RBBP8: variants seen among roughly 807,000 people sequenced by gnomAD.
The protein encoded by RBBP8 is DNA endonuclease RBBP8.
RBBP8 carries 88 observed loss-of-function variants against 108.3 expected under a neutral mutation model. That is an observed-to-expected ratio of 0.81 (90% CI 0.68 to 0.97). The LOEUF is 0.97. Ranked by LOEUF, RBBP8 falls within the 50% of genes least tolerant of loss-of-function variation. RBBP8 has a pLI of 0.00. For missense variants in RBBP8, 1,023 were observed against 1,049.0 expected, an observed-to-expected ratio of 0.98 and a Z score of 0.34; for synonymous variants, 332 against 348.2, an observed-to-expected ratio of 0.95 and a Z score of 0.52.
chr18:22,943,251 C>T (rs1048969862), intron 2 of RBBP8, among the ~76,000 whole-genome samples: 1 of 150,782 alleles, frequency 6.6e-6, no homozygotes, highest in African/African-American at 2.5e-5. Context: ...GCCTGGACAA[C>T]AAAGCGAGAC....
intron 3 of RBBP8, among the ~76,000 whole-genome samples, chr18:22,922,692 T>C (rs957293623): frequency 2.6e-5 from 4 of 152,168 alleles, no homozygotes; most frequent in African/African-American, 9.7e-5. Flanking sequence ...CTCAAACTCC[T>C]GGGCTCAAGC....
At chr18:22,940,665 G>C (rs892738983) in intron 2 of RBBP8, among the ~76,000 whole-genome samples, 14 of 151,912 alleles carry the variant, frequency 9.2e-5, no homozygotes, top group African/African-American at 3.4e-4. Context: ...CTAATTTTTA[G>C]AGATGAGGTC....
In RBBP8 at chr18:22,927,464, CATT is replaced by C. The variant is rs1909831379; in HGVS notation, c.-153-1918_-153-1916del. 3.3e-5 allele frequency among the ~76,000 whole-genome samples: 5 copies of C among 152,088 alleles called. No individual in the cohort carries two copies. The South Asian group carries it at 1.0e-3, about 32-fold the overall frequency. On this transcript the variant is annotated intron_variant, in intron 3 of 4. Coordinates refer to the RBBP8 transcript ENST00000577588. ...AATCACACAACCTCATTTGTTCACTCATTGATTATATTATATATGCTGGGCCTG... is the reference window on the plus strand; with the variant it reads ...AATCACACAACCTCATTTGTTCACTCGATTATATTATATATGCTGGGCCTG...
At chr18:23,008,111 G>T (rs373387393) in intron 16 of RBBP8, among the ~76,000 whole-genome samples, 4 of 152,026 alleles carry the variant, frequency 2.6e-5, no homozygotes, top group Admixed American at 1.3e-4. Context: ...CACGCCTGGC[G>T]CTAAGCATCT....
At chr18:22,944,416 C>T (rs961573667) in intron 2 of RBBP8, among the ~76,000 whole-genome samples, 1 of 151,876 alleles carries the variant, frequency 6.6e-6, no homozygotes, top group African/African-American at 2.4e-5. Flanking sequence ...CTTTTAAAGG[C>T]AGAACTGATT....
intron 2 of RBBP8, among the ~76,000 whole-genome samples, chr18:22,916,489 T>C (rs1036171417): frequency 6.6e-6 from 1 of 152,116 alleles, no homozygotes; most frequent in Non-Finnish European, 1.5e-5. Flanking sequence ...CAGTAATTTT[T>C]TCACTACCCT....
intron 16 of RBBP8, among the ~76,000 whole-genome samples, chr18:23,007,321 T>A (rs1282067731): frequency 6.6e-6 from 1 of 151,966 alleles, no homozygotes; most frequent in Non-Finnish European, 1.5e-5. Flanking sequence ...ACACCCAGCC[T>A]GTCTGTTTTA....
In RBBP8 at chr18:23,006,347, C is replaced by T; in HGVS notation, c.2288-16C>T. 6.2e-7 allele frequency: 1 copy of T among 1,603,414 alleles called. No homozygotes were observed. The highest frequency in any genetic ancestry group is 8.5e-7 in the Non-Finnish European group (1 of 1,170,756). ...AGTTCTACATTTAGTTTGTAATGTG[C>T]ATGTTTTATTTATAGCTCATGGTGA... is the stretch of plus-strand genomic sequence containing the variant. On this transcript the variant is annotated splice_polypyrimidine_tract_variant and intron_variant, in intron 15 of 18. Transcript: ENST00000327155.
chr18:22,936,747 A>G lies in RBBP8; in HGVS notation c.-98-7A>G. 1 of 1,262,788 alleles carries G rather than the reference A, an allele frequency of 7.9e-7. No individual in the cohort carries two copies. The highest frequency in any genetic ancestry group is 1.1e-6 in the Non-Finnish European group (1 of 869,784). 78.2% of individuals were successfully genotyped at this position (1,262,788 alleles called of 1,614,324 possible). On this transcript the variant is annotated splice_polypyrimidine_tract_variant and splice_region_variant and intron_variant, in intron 1 of 18. Transcript: ENST00000327155. ...AAGTTCATTTATGTTGCAATCTGTC[A>G]TTTCAGGTATTTGACCTGTCCAAAG...
rs752623520 is a variant in RBBP8, at chr18:22,993,429, A to G, written c.1602A>G (p.Ser534=). 1.2e-5 allele frequency: 19 copies of G among 1,614,146 alleles called. No individual in the cohort carries two copies. Among genetic ancestry groups the G allele is most frequent in the Non-Finnish European group, 7.6e-6 (9 of 1,180,054 alleles). The change falls in exon 11 of 19, where the codon TCA becomes TCG. Residue 534 remains serine (S), a synonymous_variant. Transcript: ENST00000327155. The part of the protein sequence containing the change: ...ALKTIPKGFS[S]SRKASDGNCT... Reference sequence around the variant, plus strand: ...AGACCATTCCAAAGGGCTTTTCCTCAAGCCGTAAGGCCTCAGATGGCAACT... The same window carrying G: ...AGACCATTCCAAAGGGCTTTTCCTCGAGCCGTAAGGCCTCAGATGGCAACT...
At chr18:22,994,247 TCTC>T (rs976814539) in intron 12 of RBBP8, among the ~76,000 whole-genome samples, 1 of 148,564 alleles carries the variant, frequency 6.7e-6, no homozygotes, top group African/African-American at 2.5e-5. Flanking sequence ...ATGGTCTAGA[TCTC>T]CTGACATCGT....
intron 5 of RBBP8, among the ~76,000 whole-genome samples, chr18:22,972,959 G>A (rs1017943650): frequency 2.5e-4 from 38 of 152,238 alleles, no homozygotes; most frequent in Middle Eastern, 3.4e-3. Flanking sequence ...GAGCTTTTCC[G>A]TATGGATAGT....
At chr18:22,935,310 T>C (rs1224771817) in intron 1 of RBBP8, among the ~76,000 whole-genome samples, 79 of 150,184 alleles carry the variant, frequency 5.3e-4, no homozygotes, top group African/African-American at 1.9e-3. Flanking sequence ...TTTTTTTTTT[T>C]CAAGCAAATC....
intron 8 of RBBP8, among the ~76,000 whole-genome samples, chr18:22,985,732 A>G (rs1020075086): frequency 3.3e-5 from 5 of 152,108 alleles, no homozygotes; most frequent in Non-Finnish European, 4.4e-5. Context: ...CAAACTCAAC[A>G]TTCAGGTAGA....
At chr18:22,915,949 T>C (rs76132744) in intron 2 of RBBP8, among the ~76,000 whole-genome samples, 2,443 of 152,188 alleles carry the variant, frequency 0.016, 69 homozygotes, top group African/African-American at 0.056. Context: ...TAATGGAATT[T>C]TCATTTTCAA....
intron 3 of RBBP8, among the ~76,000 whole-genome samples, chr18:22,917,970 C>A (rs1909427495): frequency 6.7e-6 from 1 of 148,962 alleles, no homozygotes; most frequent in South Asian, 2.1e-4. Flanking sequence ...TGCACTCCAG[C>A]CTGGTCAACT....
intron 14 of RBBP8, among the ~76,000 whole-genome samples, chr18:22,998,278 T>G (rs1369852769): frequency 6.6e-6 from 1 of 152,222 alleles, no homozygotes; most frequent in Non-Finnish European, 1.5e-5. Context: ...AGTCTTAGTA[T>G]AGTTTTACAG....
At chr18:23,022,672 T>TAAAATAAAATAAAAAAAATA (rs1169553930) in intron 18 of RBBP8, among the ~76,000 whole-genome samples, 1 of 117,832 alleles carries the variant, frequency 8.5e-6, no homozygotes, top group African/African-American at 3.0e-5. Flanking sequence ...ATAAAATAAA[T>TAAAATAAAATAAAAAAAATA]AACTGTATAT....
intron 16 of RBBP8, among the ~76,000 whole-genome samples, chr18:23,012,107 G>A (rs1483728492): frequency 1.3e-5 from 2 of 150,172 alleles, no homozygotes; most frequent in Admixed American, 6.7e-5. Context: ...TACTGCGGGA[G>A]GCTGAGGTGG....
Sources: gnomAD v4.1 joint callset for allele counts (sites outside exome capture counted in the v4.1 genomes callset) on GRCh38, gnomAD v4.1.1 for gene constraint, MANE v1.5 for transcripts, NCBI Gene and HGNC (gene_info 2026-07-23, HGNC 2026-07-21) for gene names.